Variants in LRMDA observed in about 807,000 individuals in gnomAD.
The protein encoded by LRMDA is leucine-rich melanocyte differentiation-associated protein.
A neutral mutation model predicts 29.8 loss-of-function variants in LRMDA; 18 were observed. That is an observed-to-expected ratio of 0.60 (90% CI 0.42 to 0.90). The LOEUF (loss-of-function observed/expected upper bound fraction) is 0.90. Ranked by LOEUF, LRMDA falls within the 40% of genes least tolerant of loss-of-function variation. The probability of loss-of-function intolerance (pLI) is 0.00; values close to 1 mark genes in which losing one functional copy is unlikely to be tolerated. For synonymous variants in LRMDA, 125 were observed against 109.4 expected (o/e 1.14, Z -0.89); for missense variants, 273 against 273.9 (o/e 1.00, Z 0.02).
At chr10:75,714,306 A>C (rs1842472198) in intron 2 of LRMDA, among the ~76,000 whole-genome samples, 2 of 152,218 alleles carry the variant, frequency 1.3e-5, no homozygotes, top group African/African-American at 4.8e-5. Context: ...CCTCGTGCTC[A>C]CACCCATGTT....
intron 2 of LRMDA, among the ~76,000 whole-genome samples, chr10:75,692,208 G>GAAA (rs528945539): frequency 1.1e-4 from 7 of 61,106 alleles, no homozygotes; most frequent in African/African-American, 4.7e-4. Flanking sequence ...TCTCTGGGGG[G>GAAA]AAAAAAAAAA....
intron 2 of LRMDA, among the ~76,000 whole-genome samples, chr10:75,529,000 T>C (rs1340626889): frequency 3.9e-5 from 6 of 152,130 alleles, no homozygotes; most frequent in African/African-American, 1.4e-4. Context: ...GGCAAAGATA[T>C]GGAAATGAGA....
chr10:76,002,652 G>A (rs921831165), intron 2 of LRMDA, among the ~76,000 whole-genome samples: 3 of 152,230 alleles, frequency 2.0e-5, no homozygotes, highest in Non-Finnish European at 4.4e-5. Context: ...AACAGCAGCT[G>A]TTATGTGTGG....
At chr10:75,724,674 T>A (rs1191512401) in intron 2 of LRMDA, among the ~76,000 whole-genome samples, 2 of 152,160 alleles carry the variant, frequency 1.3e-5, no homozygotes, top group African/African-American at 2.4e-5. Flanking sequence ...TGTAATACGC[T>A]CATCTAAGAA....
intron 2 of LRMDA, among the ~76,000 whole-genome samples, chr10:75,511,373 T>C (rs920863433): frequency 2.0e-5 from 3 of 151,742 alleles, no homozygotes; most frequent in Non-Finnish European, 2.9e-5. Context: ...ATTGGAGGAG[T>C]GGGGAAACCA....
chr10:75,904,783 T>C (rs979932758), intron 2 of LRMDA, among the ~76,000 whole-genome samples: 4 of 152,154 alleles, frequency 2.6e-5, no homozygotes, highest in Non-Finnish European at 4.4e-5. Flanking sequence ...AAGCTATAGA[T>C]TGATGAGCCG....
chr10:76,134,186 G>A (rs530472161), intron 5 of LRMDA, among the ~76,000 whole-genome samples: 5 of 152,248 alleles, frequency 3.3e-5, no homozygotes, highest in Admixed American at 6.5e-5. Context: ...ATCACGGCCC[G>A]TGGATCCAGT....
intron 6 of LRMDA, among the ~76,000 whole-genome samples, chr10:76,406,245 G>A (rs866149448): frequency 3.9e-5 from 6 of 152,198 alleles, no homozygotes; most frequent in Middle Eastern, 3.2e-3. Flanking sequence ...TGGCATTTAT[G>A]TTTCCGTGCC....
chr10:76,097,911 G>A (rs1296469179), intron 5 of LRMDA, among the ~76,000 whole-genome samples: 1 of 152,062 alleles, frequency 6.6e-6, no homozygotes, highest in Non-Finnish European at 1.5e-5. Context: ...ATAATGTATA[G>A]TGATCAGATG....
intron 2 of LRMDA, among the ~76,000 whole-genome samples, chr10:75,631,406 C>G (rs922065346): frequency 6.6e-6 from 1 of 151,988 alleles, no homozygotes; most frequent in Non-Finnish European, 1.5e-5. Context: ...TCACTGCACC[C>G]CCCCCGCCCC....
At chr10:76,141,198 CAT>C (rs1420319445) in intron 5 of LRMDA, among the ~76,000 whole-genome samples, 6 of 152,094 alleles carry the variant, frequency 3.9e-5, no homozygotes, top group Non-Finnish European at 8.8e-5. Context: ...TTATATCACA[CAT>C]GTTAATAAGC....
At chr10:76,180,438 C>T (rs1212021133) in intron 5 of LRMDA, among the ~76,000 whole-genome samples, 1 of 151,854 alleles carries the variant, frequency 6.6e-6, no homozygotes, top group Non-Finnish European at 1.5e-5. Flanking sequence ...CGCCACCACA[C>T]CCGGCTAATT....
chr10:75,959,160 A>G (rs1378363354), intron 2 of LRMDA, among the ~76,000 whole-genome samples: 2 of 152,128 alleles, frequency 1.3e-5, no homozygotes, highest in Non-Finnish European at 2.9e-5. Flanking sequence ...TTTCTTTGGG[A>G]TCAAAAGGCT....
intron 5 of LRMDA, among the ~76,000 whole-genome samples, chr10:76,261,103 T>C: frequency 6.7e-6 from 1 of 149,544 alleles, no homozygotes. Context: ...CTCGCTCTGT[T>C]GCCCAGGCTG....
At position 76,295,165 on chromosome 10, in the gene LRMDA, G is replaced by A. The variant is rs140940151; in HGVS notation, c.517-29236G>A. Among the ~76,000 whole-genome samples, 7 of 152,286 alleles carry A rather than the reference G, an allele frequency of 4.6e-5. No homozygotes were observed. The East Asian group carries it at 1.4e-3, about 29-fold the overall frequency. ...ACTATGGTTTAATGGTATAAGGAGG[G>A]AAGTTTTGGCACAATGTAAGAAGAA... On this transcript the variant is annotated intron_variant, in intron 5 of 6. Coordinates refer to ENST00000611255, the MANE Select transcript of LRMDA (RefSeq NM_001305581.2).
intron 5 of LRMDA, chr10:76,270,581 T>C (rs1385236961): frequency 6.6e-6 from 1 of 152,466 alleles, no homozygotes; most frequent in Non-Finnish European, 1.5e-5. Context: ...AATATTTTAC[T>C]GCCTGCAGCC....
intron 2 of LRMDA, among the ~76,000 whole-genome samples, chr10:75,454,705 G>A (rs1313223070): frequency 6.6e-6 from 1 of 152,196 alleles, no homozygotes; most frequent in Non-Finnish European, 1.5e-5. Context: ...CTTCCCAGAT[G>A]CCTGAGGTGG....
intron 5 of LRMDA, among the ~76,000 whole-genome samples, chr10:76,122,893 T>C (rs1269661273): frequency 1.3e-5 from 2 of 152,192 alleles, no homozygotes; most frequent in African/African-American, 4.8e-5. Flanking sequence ...GATTAGCCTT[T>C]TCTCTTTAGC....
rs1160178913 is a variant in LRMDA, at chr10:75,839,700, C to CTT, written c.132-196283_132-196282dup. Among the ~76,000 whole-genome samples the CTT allele has an allele frequency of 7.8e-3, 649 of 82,802 alleles. 116 individuals carry two copies. The highest frequency in any genetic ancestry group is 0.036 in the African/African-American group (567 of 15,544). 54.3% of individuals were successfully genotyped at this position (82,802 alleles called of 152,430 possible). A position where few individuals can be genotyped will look rare whatever the true frequency, so the allele number is the denominator to read the frequency against. On this transcript the variant is annotated intron_variant, in intron 2 of 6. Coordinates refer to ENST00000611255, the MANE Select transcript of LRMDA (RefSeq NM_001305581.2). ...TACTCCTTAGGATGCATCCGACTTTCTTTTTTTTTTTTTTTTTTTTTTTTT... is the reference window on the plus strand; with the variant it reads ...TACTCCTTAGGATGCATCCGACTTTCTTTTTTTTTTTTTTTTTTTTTTTTTTT...
Sources: allele counts gnomAD v4.1 joint callset (sites outside exome capture counted in the v4.1 genomes callset), GRCh38; gene constraint gnomAD v4.1.1; transcripts MANE v1.5; gene names NCBI Gene and HGNC (gene_info 2026-07-23, HGNC 2026-07-21).